Variants in CEP192 observed in about 807,000 individuals in gnomAD.
The protein encoded by CEP192 is centrosomal protein of 192 kDa.
A neutral mutation model predicts 271.8 loss-of-function variants in CEP192; 151 were observed. The ratio of observed to expected loss-of-function variants is 0.56; its 90% confidence interval spans 0.49 to 0.64. CEP192 has a LOEUF of 0.64. Ranked by LOEUF, CEP192 falls within the 30% of genes least tolerant of loss-of-function variation. CEP192 has a pLI of 0.00. For synonymous variants in CEP192, 995 were observed against 1,076.5 expected (o/e 0.92, Z 1.48); for missense variants, 2,910 against 3,020.5 (o/e 0.96, Z 0.86).
chr18:13,114,653 CTT>C (rs946225389), intron 42 of CEP192, among the ~76,000 whole-genome samples: 3 of 152,012 alleles, frequency 2.0e-5, no homozygotes, highest in African/African-American at 7.2e-5. Flanking sequence ...TTTTGGATGT[CTT>C]ATAATTTGGA....
chr18:13,114,181 C>T lies in CEP192; in HGVS notation c.7219C>T (p.Leu2407Phe), dbSNP rs552376855. The part of the protein sequence containing the change: ...PENACLSTDS[L>F]IKIDHLVKPR... The stretch of plus-strand genomic sequence containing the variant: ...AAACGCATGCCTTTCCACGGATTCC[C>T]TCATTAAAATAGATCATTTAGTTAA... The change falls in exon 42 of 45, where the codon CTC becomes TTC. Residue 2407 changes from leucine (L) to phenylalanine (F), a missense_variant. Transcript: ENST00000506447. 2 of 1,613,996 alleles carry T rather than the reference C, an allele frequency of 1.2e-6. No individual in the cohort carries two copies. Among genetic ancestry groups the T allele is most frequent in the African/African-American group, 1.3e-5 (1 of 75,024 alleles).
At chr18:13,010,466 C>T (rs2034273745) in intron 4 of CEP192, among the ~76,000 whole-genome samples, 1 of 152,072 alleles carries the variant, frequency 6.6e-6, no homozygotes, top group Non-Finnish European at 1.5e-5. Flanking sequence ...GTGGTATTAT[C>T]ACTCAAATAA....
At chr18:13,036,425 C>T (rs11663778) in intron 11 of CEP192, among the ~76,000 whole-genome samples, 15,604 of 152,198 alleles carry the variant, frequency 0.1, 954 homozygotes, top group East Asian at 0.26. Flanking sequence ...TGGACTGTTC[C>T]CTCTGGCTCA....
chr18:13,038,881 A>G (rs1279363430), intron 13 of CEP192, among the ~76,000 whole-genome samples: 1 of 152,254 alleles, frequency 6.6e-6, no homozygotes, highest in Non-Finnish European at 1.5e-5. Flanking sequence ...GCACTAAACC[A>G]ACATGTAATA....
chr18:13,057,890 G>T (rs931519184), intron 20 of CEP192, 157 bp downstream of exon 20: 3 of 511,982 alleles, frequency 5.9e-6, no homozygotes, highest in Middle Eastern at 1.0e-3. Flanking sequence ...TTGTTGTAGT[G>T]CTTGTAGAGT....
intron 3 of CEP192, among the ~76,000 whole-genome samples, chr18:13,003,135 G>A (rs944738216): frequency 6.6e-6 from 1 of 152,134 alleles, no homozygotes; most frequent in Non-Finnish European, 1.5e-5. Flanking sequence ...GCAGTGGTCA[G>A]TATGGGTCTC....
At position 13,070,067 on chromosome 18, in the gene CEP192, A is replaced by G. The variant is rs368017183; in HGVS notation, c.5174+211A>G. 3.1e-4 allele frequency among the ~76,000 whole-genome samples: 47 copies of G among 152,260 alleles called. 2 individuals are homozygous for G. Among genetic ancestry groups the G allele is most frequent in the African/African-American group, 1.1e-3 (45 of 41,544 alleles). On this transcript the variant is annotated intron_variant, in intron 27 of 44. Coordinates refer to ENST00000506447, the MANE Select transcript of CEP192 (RefSeq NM_032142.4). ...TTTCAGCTACTCAGGAGGCTGAGGC[A>G]GGAGAGTCGCTTGAACCCAGGAGGC...
At chr18:13,074,789 G>A (rs1341728526) in intron 30 of CEP192, among the ~76,000 whole-genome samples, 4 of 152,156 alleles carry the variant, frequency 2.6e-5, no homozygotes, top group South Asian at 2.1e-4. Context: ...GCAGAGTGGC[G>A]GAAGAGCTGT....
At chr18:13,074,114 G>A (rs1427585661) in intron 30 of CEP192, among the ~76,000 whole-genome samples, 1 of 152,166 alleles carries the variant, frequency 6.6e-6, no homozygotes, top group African/African-American at 2.4e-5. Flanking sequence ...CAGGTGTTTG[G>A]CAGTGGGGCT....
At position 13,059,096 on chromosome 18, in the gene CEP192, A is replaced by G. The variant is rs539400709; in HGVS notation, c.4272A>G (p.Thr1424=). 1.4e-5 allele frequency: 22 copies of G among 1,612,928 alleles called. No individual in the cohort carries two copies. The South Asian group carries it at 2.1e-4, about 15-fold the overall frequency. ...SVNGEKVDLS[T]YRCLVFKNKA... is the part of the protein sequence containing the mutation. ...CTTTTTTGAAGGTGGATCTTTCAACATATCGTTGTTTAGTTTTCAAGAATA... is the reference window on the plus strand; with the variant it reads ...CTTTTTTGAAGGTGGATCTTTCAACGTATCGTTGTTTAGTTTTCAAGAATA... Residue 1424 remains threonine, a synonymous_variant, in exon 21 of 45, where the codon ACA becomes ACG. Coordinates refer to ENST00000506447, the MANE Select transcript of CEP192 (RefSeq NM_032142.4).
In CEP192 at chr18:13,095,528, G is replaced by A. The variant is rs2039351229; in HGVS notation, c.6280G>A (p.Gly2094Ser). 6.2e-7 allele frequency: 1 copy of A among 1,611,230 alleles called. No homozygotes were observed. ...CGACTTGGGAGCTTCTGGGAAACATGGTGGCAACGTCTCTTTGGATGTTTT... is the reference window on the plus strand; with the variant it reads ...CGACTTGGGAGCTTCTGGGAAACATAGTGGCAACGTCTCTTTGGATGTTTT... ...TSDLGASGKH[G>S]GNVSLDVLPV... is the part of the protein sequence containing the mutation. The change falls in exon 35 of 45, where the codon GGT becomes AGT. Residue 2094 changes from glycine to serine, a missense_variant. Coordinates refer to ENST00000506447, the MANE Select transcript of CEP192 (RefSeq NM_032142.4).
rs1399793792 is a variant in CEP192 at position 13,055,805 on chromosome 18, C to G, written c.3215C>G (p.Thr1072Ser). 6.3e-7 allele frequency: 1 copy of G among 1,580,864 alleles called. No individual in the cohort carries two copies. The highest frequency in any genetic ancestry group is 8.6e-7 in the Non-Finnish European group (1 of 1,165,718). Residue 1072 changes from threonine to serine, a missense_variant, in exon 19 of 45, where the codon ACC becomes AGC. Physicochemically the swap from Thr to Ser is moderately conservative, Grantham distance 58 (BLOSUM62 1). Transcript: ENST00000506447. ...AGTGATATCACCAGCGAGTTGAGTA[C>G]CACAATTATTCAAGGCAGTCCAGCC... ...RKSDITSELS[T>S]TIIQGSPAAL...
chr18:13,104,991 A>G lies in CEP192; in HGVS notation c.6959A>G (p.Asp2320Gly), dbSNP rs748116809. The change falls in exon 40 of 45, where the codon GAT becomes GGT. Residue 2320 changes from aspartate (D) to glycine (G), a missense_variant. Physicochemically the swap from Asp to Gly is moderately conservative, Grantham distance 94. Coordinates refer to ENST00000506447, the MANE Select transcript of CEP192 (RefSeq NM_032142.4). ...TAAATGATTGCTTTGCAGGGAGTTG[A>G]TGAAAGTGGAGATGTTTTTAGAGCT... ...SLAPPYVKGVDESGDVFRATY... is the reference protein window; with the variant it reads ...SLAPPYVKGVGESGDVFRATY... The G allele has an allele frequency of 6.2e-7, 1 of 1,611,660 alleles. No homozygotes were observed. Among genetic ancestry groups the G allele is most frequent in the South Asian group, 1.1e-5 (1 of 91,022 alleles).
intron 14 of CEP192, among the ~76,000 whole-genome samples, chr18:13,041,741 T>A (rs2036219375): frequency 6.6e-6 from 1 of 152,098 alleles, no homozygotes; most frequent in Admixed American, 6.6e-5. Flanking sequence ...ATTTTTTGTA[T>A]TTTTGGTAGA....
Position 13,018,608 on chromosome 18 carries a change from T to C in CEP192, c.918T>C (p.Pro306=), listed in dbSNP as rs751328311. 217 of 1,525,932 alleles carry C rather than the reference T, an allele frequency of 1.4e-4. No homozygotes were observed. Among genetic ancestry groups the C allele is most frequent in the Middle Eastern group, 1.2e-3 (7 of 5,894 alleles). The allele number at this position is 1,525,932 out of a possible 1,614,324, so 94.5% of individuals were successfully genotyped here. ...ESEESQVICL[P]GTSNSIGTGD... ...AGGAAAGCCAAGTTATTTGTCTACC[T>C]GGGACTAGTAAGTATAGAAATATGA... The change falls in exon 8 of 45, where the codon CCT becomes CCC. Residue 306 remains proline, a synonymous_variant. Coordinates refer to ENST00000506447, the MANE Select transcript of CEP192 (RefSeq NM_032142.4).
At chr18:13,037,729 A>AT (rs988661522) in intron 12 of CEP192, among the ~76,000 whole-genome samples, 4 of 151,624 alleles carry the variant, frequency 2.6e-5, no homozygotes, top group African/African-American at 7.3e-5. Flanking sequence ...CTATTTTTTT[A>AT]TTTTTTGTAG....
At chr18:13,100,652 G>T in intron 38 of CEP192, 140 bp downstream of exon 38, 1 of 637,124 alleles carries the variant, frequency 1.6e-6, no homozygotes, top group Non-Finnish European at 2.7e-6. Context: ...TCATTTCAAT[G>T]ATGGGCTGGA....
chr18:13,023,045 T>C (rs1339105575), intron 9 of CEP192, among the ~76,000 whole-genome samples: 1 of 152,218 alleles, frequency 6.6e-6, no homozygotes, highest in Non-Finnish European at 1.5e-5. Context: ...TATGCTGTCA[T>C]CTTTTATTAG....
At position 13,038,552 on chromosome 18, in the gene CEP192, C is replaced by T; in HGVS notation, c.1782C>T (p.Cys594=). 6.4e-7 allele frequency: 1 copy of T among 1,551,472 alleles called. No homozygotes were observed. Among genetic ancestry groups the T allele is most frequent in the Non-Finnish European group, 8.7e-7 (1 of 1,146,906 alleles). ...CTCAAAGATCTGAAGCTCTTGGTTGCCTTGGTGGTGGTAACAATGTGAAAA... is the reference window on the plus strand; with the variant it reads ...CTCAAAGATCTGAAGCTCTTGGTTGTCTTGGTGGTGGTAACAATGTGAAAA... ...FFAQRSEALG[C]LGGGNNVKRP... The change falls in exon 13 of 45, where the codon TGC becomes TGT. Residue 594 remains cysteine (C), a synonymous_variant. Transcript: ENST00000506447.
Sources: gnomAD v4.1 joint callset for allele counts (sites outside exome capture counted in the v4.1 genomes callset) on GRCh38, gnomAD v4.1.1 for gene constraint, MANE v1.5 for transcripts, NCBI Gene and HGNC (gene_info 2026-07-23, HGNC 2026-07-21) for gene names.